The following GRB10 variants were observed in gnomAD, a reference collection of about 807,000 sequenced individuals.
GRB10 encodes the protein growth factor receptor bound protein 10.
In GRB10, 20 loss-of-function variants were observed where a neutral mutation model predicts 80.9. The ratio of observed to expected loss-of-function variants is 0.25; its 90% CI spans 0.17 to 0.36. The LOEUF is 0.36. GRB10 is among the 10% of genes least tolerant of loss of function. The pLI is 1.00. For synonymous variants in GRB10, 291 were observed against 291.5 expected, an observed-to-expected ratio of 1.00 and a Z score of 0.02; for missense variants, 548 against 747.7, an observed-to-expected ratio of 0.73 and a Z score of 3.12.
chr7:50,676,030 C>T (rs1230218702), intron 5 of GRB10, among the ~76,000 whole-genome samples: 1 of 152,198 alleles, frequency 6.6e-6, no homozygotes, highest in Non-Finnish European at 1.5e-5. Flanking sequence ...CTTTCTTCTG[C>T]ATTTTTAGAT....
intron 17 of GRB10, 141 bp from the exon 18 acceptor site, chr7:50,595,671 T>C (rs980110313): frequency 6.6e-5 from 45 of 680,272 alleles, no homozygotes; most frequent in Non-Finnish European, 1.1e-4. Context: ...TGCAGTGCTT[T>C]GGCATTTAAG....
intron 4 of GRB10, among the ~76,000 whole-genome samples, chr7:50,724,470 G>A (rs1036026451): frequency 5.9e-5 from 9 of 152,078 alleles, no homozygotes; most frequent in African/African-American, 2.2e-4. Flanking sequence ...AAATAAACAC[G>A]ACCTGGGACA....
chr7:50,722,513 G>A (rs571078501), intron 4 of GRB10, among the ~76,000 whole-genome samples: 2 of 152,324 alleles, frequency 1.3e-5, no homozygotes, highest in African/African-American at 2.4e-5. Flanking sequence ...TCTGCCAGGA[G>A]AACATAGTTG....
chr7:50,607,189 TGA>T (rs1554470931), intron 13 of GRB10: 2 of 152,504 alleles, frequency 1.3e-5, no homozygotes, highest in Non-Finnish European at 2.9e-5. Flanking sequence ...TACAAAATTA[TGA>T]GAGTAATACA....
At chr7:50,658,147 G>A (rs1162034957) in intron 7 of GRB10, among the ~76,000 whole-genome samples, 2 of 152,198 alleles carry the variant, frequency 1.3e-5, no homozygotes, top group East Asian at 3.9e-4. Context: ...TATTGCAGGA[G>A]AAAAGAAAAG....
At chr7:50,783,475 TACATACACACCACAC>T (rs1486635367), upstream of GRB10, among the ~76,000 whole-genome samples, 10 of 137,358 alleles carry the variant, frequency 7.3e-5, no homozygotes, top group East Asian at 1.3e-3. Flanking sequence ...CCCACTCACA[TACATACACACCACAC>T]ACATACATAC....
chr7:50,603,052 C>T (rs914583288), intron 17 of GRB10, among the ~76,000 whole-genome samples: 2 of 152,080 alleles, frequency 1.3e-5, no homozygotes, highest in Non-Finnish European at 1.5e-5. Flanking sequence ...TGAAAATTTC[C>T]GTAATAAAAC....
At chr7:50,756,605 G>A (rs1351419502) in intron 2 of GRB10, among the ~76,000 whole-genome samples, 2 of 152,202 alleles carry the variant, frequency 1.3e-5, no homozygotes, top group African/African-American at 4.8e-5. Context: ...TTCTGGCTCT[G>A]ATCTTTGATT....
chr7:50,790,230 C>A (rs2078855008), intron 1 of GRB10, among the ~76,000 whole-genome samples: 1 of 152,178 alleles, frequency 6.6e-6, no homozygotes, highest in African/African-American at 2.4e-5. Flanking sequence ...ACCAGTTATA[C>A]CCCTAATAGT....
intron 7 of GRB10, among the ~76,000 whole-genome samples, chr7:50,659,765 C>T (rs866914840): frequency 1.3e-5 from 2 of 152,216 alleles, no homozygotes; most frequent in Non-Finnish European, 2.9e-5. Flanking sequence ...GTGGTGGCCA[C>T]GCCGGAGGGC....
chr7:50,687,595 C>G (rs954939464), intron 5 of GRB10, among the ~76,000 whole-genome samples: 1 of 152,184 alleles, frequency 6.6e-6, no homozygotes, highest in Non-Finnish European at 1.5e-5. Context: ...CATGCATCTG[C>G]GGATCCTGCC....
chr7:50,591,982 G>A lies in GRB10; in HGVS notation c.*970C>T, dbSNP rs928942091. ...ACGACTCACACCACTGCAGCAGCAG[G>A]GGTAAGGCAGTGATCGTTCTAGAAC... On this transcript the variant is annotated 3_prime_UTR_variant, in exon 19 of 19. Coordinates refer to ENST00000401949, the MANE Select transcript of GRB10 (RefSeq NM_001350814.2). 1.3e-5 allele frequency: 2 copies of A among 152,236 alleles called. 1 individual carries two copies. The highest frequency in any genetic ancestry group is 4.1e-4 in the South Asian group (2 of 4,828). The allele number at this position is 152,236 out of a possible 1,614,324, so 9.4% of individuals were successfully genotyped here.
At chr7:50,739,725 G>A (rs75079384) in intron 3 of GRB10, among the ~76,000 whole-genome samples, 6,423 of 152,226 alleles carry the variant, frequency 0.042, 459 homozygotes, top group African/African-American at 0.15. Flanking sequence ...GGTCAACATC[G>A]GGGTCACCAA....
rs183117747 is a variant in GRB10, at chr7:50,637,383, C to T, written c.505-10405G>A. ...AAAAATCATTAGCATTTCTATACAA[C>T]AATAATATTCAAGCTGAGAACAAAA... is the stretch of plus-strand genomic sequence containing the variant. On this transcript the variant is annotated intron_variant, in intron 7 of 18. Transcript: ENST00000401949. 7.0e-4 allele frequency among the ~76,000 whole-genome samples: 106 copies of T among 152,208 alleles called. 1 individual carries two copies. Among genetic ancestry groups the T allele is most frequent in the African/African-American group, 2.5e-3 (102 of 41,520 alleles).
intron 5 of GRB10, among the ~76,000 whole-genome samples, chr7:50,696,471 GCA>G (rs1239883056): frequency 6.6e-6 from 1 of 152,186 alleles, no homozygotes; most frequent in Non-Finnish European, 1.5e-5. Context: ...AATGAAACCA[GCA>G]CTCACTGGCA....
rs571083234 is a variant in GRB10, at chr7:50,780,614, T to G, written c.-217+13A>C. On this transcript the variant is annotated intron_variant, in intron 2 of 18. Coordinates refer to ENST00000401949, the MANE Select transcript of GRB10 (RefSeq NM_001350814.2). ...AGTTTCGTAGCTCAGAGCTGGGGCCTGGGGATACATACCGAGAGGCAGTCA... is the reference window on the plus strand; with the variant it reads ...AGTTTCGTAGCTCAGAGCTGGGGCCGGGGGATACATACCGAGAGGCAGTCA... 1 of 152,288 alleles carries G rather than the reference T, an allele frequency of 6.6e-6. No individual in the cohort carries two copies. Among genetic ancestry groups the G allele is most frequent in the South Asian group, 2.1e-4 (1 of 4,822 alleles). 9.4% of individuals were successfully genotyped at this position (152,288 alleles called of 1,614,324 possible).
chr7:50,607,441 G>T (rs1585586014), intron 13 of GRB10, among the ~76,000 whole-genome samples: 1 of 151,384 alleles, frequency 6.6e-6, no homozygotes, highest in African/African-American at 2.5e-5. Context: ...TGCTACTGTG[G>T]CCCCTCAGGA....
chr7:50,622,786 A>G (rs1585843234), intron 8 of GRB10, among the ~76,000 whole-genome samples: 1 of 148,570 alleles, frequency 6.7e-6, no homozygotes, highest in South Asian at 2.1e-4. Flanking sequence ...AATTCCTTTT[A>G]TCTTTTTTTT....
intron 6 of GRB10, 141 bp downstream of exon 6, chr7:50,674,295 C>T: frequency 1.2e-6 from 1 of 835,434 alleles, no homozygotes; most frequent in Non-Finnish European, 2.0e-6. Flanking sequence ...TATCCGTTAT[C>T]CCATCAAAGC....
Sources: allele counts gnomAD v4.1 joint callset (sites outside exome capture counted in the v4.1 genomes callset), GRCh38; gene constraint gnomAD v4.1.1; transcripts MANE v1.5; gene names NCBI Gene and HGNC (gene_info 2026-07-23, HGNC 2026-07-21).